Variants in ZSCAN12 observed in about 807,000 individuals in gnomAD.
The protein encoded by ZSCAN12 is zinc finger and SCAN domain-containing protein 12.
ZSCAN12 carries 18 observed loss-of-function variants against 23.4 expected under a neutral mutation model. The ratio of observed to expected loss-of-function variants is 0.77; its 90% CI spans 0.53 to 1.14. The LOEUF is 1.14. Among genes scored for constraint, ZSCAN12 ranks in the 50% most tolerant of loss-of-function variants. The pLI, the probability that ZSCAN12 is intolerant of heterozygous loss-of-function variation, is 0.00. For synonymous variants in ZSCAN12, 186 were observed against 253.4 expected (o/e 0.73, Z 2.53); for missense variants, 650 against 735.0 (o/e 0.88, Z 1.34).
chr6:28,391,009 T>A lies in ZSCAN12; in HGVS notation c.1281A>T (p.Ser427=). Reference sequence around the variant, plus strand: ...GGATTTCCTGATGGGAAACAAGGGATGAGTTATAAACAAAGGCTTTTCCAC... The same window carrying A: ...GGATTTCCTGATGGGAAACAAGGGAAGAGTTATAAACAAAGGCTTTTCCAC... ...NECGKAFVYN[S]SLVSHQEIHH... Residue 427 remains serine, a synonymous_variant, in exon 4 of 4, where the codon TCA becomes TCT. Transcript: ENST00000684592. The surrounding 1 kb of genome is among the most constrained non-coding windows in gnomAD (Gnocchi z 4.1). 6.4e-7 allele frequency: 1 copy of A among 1,556,700 alleles called. No individual in the cohort carries two copies. Among genetic ancestry groups the A allele is most frequent in the Non-Finnish European group, 8.7e-7 (1 of 1,149,584 alleles).
At position 28,391,304 on chromosome 6, in the gene ZSCAN12, G is replaced by A. The variant is rs1233724848; in HGVS notation, c.986C>T (p.Pro329Leu). 1.6e-5 allele frequency: 25 copies of A among 1,551,968 alleles called. No individual in the cohort carries two copies. The highest frequency in any genetic ancestry group is 4.1e-5 in the African/African-American group (3 of 73,110). Residue 329 changes from proline to leucine, a missense_variant, in exon 4 of 4, where the codon CCG becomes CTG. Physicochemically the swap from Pro to Leu is moderately conservative, Grantham distance 98. Transcript: ENST00000684592. This position sits in a 1 kb window ranked among gnomAD's most constrained non-coding sequence, Gnocchi z 4.1. ...TTTGCCACATTCATTACACTTATAC[G>A]GTTTCTCTCCAGTGTGTATTATTTT... ...RHKIIHTGEK[P>L]YKCNECGKAF... is the part of the protein sequence containing the mutation.
rs1348115660 is a variant in ZSCAN12, at chr6:28,387,569, G to A, written c.*2885C>T. On this transcript the variant is annotated 3_prime_UTR_variant, in exon 4 of 4. Coordinates refer to ENST00000684592, the MANE Select transcript of ZSCAN12 (RefSeq NM_001163391.2). ...AGTTTCTAACAGTGAAACAGCAAAAGAACTACCATAACTAACTCCATTTTT... is the reference window on the plus strand; with the variant it reads ...AGTTTCTAACAGTGAAACAGCAAAAAAACTACCATAACTAACTCCATTTTT... Among the ~76,000 whole-genome samples, 5 of 152,132 alleles carry A rather than the reference G, an allele frequency of 3.3e-5. No homozygotes were observed. Among genetic ancestry groups the A allele is most frequent in the Non-Finnish European group, 7.4e-5 (5 of 68,016 alleles).
chr6:28,382,174 G>A (rs1760279855), downstream of ZSCAN12: 1 of 214,884 alleles, frequency 4.7e-6, no homozygotes, highest in African/African-American at 2.3e-5. Context: ...TCCACATTCT[G>A]GATGATATTA....
rs891601328 is a variant in ZSCAN12 at position 28,398,402 on chromosome 6, C to G, written c.4G>C (p.Ala2Pro). The change falls in exon 2 of 4, where the codon GCA (alanine) becomes CCA (proline). Residue 2 changes from alanine (A) to proline (P), a missense_variant. Physicochemically the swap from Ala to Pro is conservative, Grantham distance 27. Coordinates refer to ENST00000684592, the MANE Select transcript of ZSCAN12 (RefSeq NM_001163391.2). ...TGGGCCTGGATAGCCCAAGTAGATG[C>G]CATTTTAGCTGTGCTAGAACTACCG... The part of the protein sequence containing the change: M[A>P]STWAIQAHMD... The G allele has an allele frequency of 9.1e-6, 14 of 1,542,854 alleles. No individual in the cohort carries two copies. The African/African-American group carries it at 1.6e-4, about 18-fold the overall frequency.
downstream of ZSCAN12, chr6:28,382,544 A>G (rs767540671): frequency 3.9e-6 from 6 of 1,551,938 alleles, no homozygotes; most frequent in South Asian, 4.8e-5. Flanking sequence ...GCTCAGGAGA[A>G]GATTCACTCC....
rs1372627105 is a variant in ZSCAN12, at chr6:28,387,085, A to G, written c.*3369T>C. Among the ~76,000 whole-genome samples, 1 of 152,186 alleles carries G rather than the reference A, an allele frequency of 6.6e-6. No individual in the cohort carries two copies. The highest frequency in any genetic ancestry group is 1.5e-5 in the Non-Finnish European group (1 of 68,036). ...CGTGATCCGCCCACCTCGGCCTCCCAAAGTGCTGGGATTATAAGTGTGAGC... is the reference window on the plus strand; with the variant it reads ...CGTGATCCGCCCACCTCGGCCTCCCGAAGTGCTGGGATTATAAGTGTGAGC... On this transcript the variant is annotated 3_prime_UTR_variant, in exon 4 of 4. Transcript: ENST00000684592.
At position 28,390,355 on chromosome 6, in the gene ZSCAN12, C is replaced by G; in HGVS notation, c.*99G>C. 1 of 961,780 alleles carries G rather than the reference C, an allele frequency of 1.0e-6. No homozygotes were observed. Among genetic ancestry groups the G allele is most frequent in the Non-Finnish European group, 1.5e-6 (1 of 668,258 alleles). The allele number at this position is 961,780 out of a possible 1,614,324, so 59.6% of individuals were successfully genotyped here. On this transcript the variant is annotated 3_prime_UTR_variant, in exon 4 of 4. Coordinates refer to ENST00000684592, the MANE Select transcript of ZSCAN12 (RefSeq NM_001163391.2). ...AATTCTTATTAAATATCTGAGGTTTCCTTATAACAATGGTGACTGAAGTTT... is the reference window on the plus strand; with the variant it reads ...AATTCTTATTAAATATCTGAGGTTTGCTTATAACAATGGTGACTGAAGTTT...
chr6:28,391,722 T>C lies in ZSCAN12; in HGVS notation c.568A>G (p.Asn190Asp). ...TCTTGCTTTAAATTCCCATACTCAT[T>C]TCCAGTCTCAACATCTAAAACTAAG... is the stretch of plus-strand genomic sequence containing the variant. ...QEQVLDVETG[N>D]EYGNLKQEVS... Residue 190 changes from asparagine to aspartate, a missense_variant, in exon 4 of 4, where the codon AAT becomes GAT. By Grantham distance (23) the Asn-to-Asp change is conservative. Transcript: ENST00000684592. The surrounding 1 kb of genome is among the most constrained non-coding windows in gnomAD (Gnocchi z 4.1). 6.5e-7 allele frequency: 1 copy of C among 1,535,252 alleles called. No individual in the cohort carries two copies. The highest frequency in any genetic ancestry group is 1.2e-5 in the South Asian group (1 of 81,978).
Position 28,392,906 on chromosome 6 carries a change from C to G in ZSCAN12, c.543G>C (p.Glu181Asp). Residue 181 changes from glutamate (E) to aspartate (D), a missense_variant, in exon 3 of 4, where the codon GAG (glutamate) becomes GAC (aspartate). Coordinates refer to ENST00000684592, the MANE Select transcript of ZSCAN12 (RefSeq NM_001163391.2). ...YESPELESQQ[E>D]QVLDVETGNE... ...AGATGGGTCTTTCTTCTTTACCTTG[C>G]TCCTGTTGGGATTCAAGTTCTGGAG... 5 of 1,552,164 alleles carry G rather than the reference C, an allele frequency of 3.2e-6. No homozygotes were observed. Among genetic ancestry groups the G allele is most frequent in the Non-Finnish European group, 4.4e-6 (5 of 1,147,100 alleles).
In ZSCAN12 at chr6:28,391,234, G is replaced by A; in HGVS notation, c.1056C>T (p.His352=). The change falls in exon 4 of 4, where the codon CAC becomes CAT. Residue 352 remains histidine (H), a synonymous_variant. Coordinates refer to ENST00000684592, the MANE Select transcript of ZSCAN12 (RefSeq NM_001163391.2). The surrounding 1 kb of genome is among the most constrained non-coding windows in gnomAD (Gnocchi z 4.1). The part of the protein sequence containing the change: ...WSALNQHQRL[H]TGEKHYHCND... ...TACAGTGATAGTGTTTTTCTCCTGT[G>A]TGAAGTCTCTGATGTTGGTTAAGAG... 2 of 1,551,908 alleles carry A rather than the reference G, an allele frequency of 1.3e-6. No individual in the cohort carries two copies. The highest frequency in any genetic ancestry group is 1.2e-5 in the South Asian group (1 of 84,060).
intron 1 of ZSCAN12, among the ~76,000 whole-genome samples, 173 bp downstream of exon 1, chr6:28,399,484 C>G (rs762206289): frequency 6.6e-6 from 1 of 152,238 alleles, no homozygotes. Context: ...GAGCCAAACC[C>G]TCATCCTAAT....
At position 28,398,364 on chromosome 6, in the gene ZSCAN12, A is replaced by T. The variant is rs1373072387; in HGVS notation, c.42T>A (p.Asp14Glu). Residue 14 changes from aspartate (D) to glutamate (E), a missense_variant, in exon 2 of 4, where the codon GAT (aspartate) becomes GAA (glutamate). Coordinates refer to ENST00000684592, the MANE Select transcript of ZSCAN12 (RefSeq NM_001163391.2). ...TWAIQAHMDQ[D>E]EPLEVKIEEE... ...CCTCTATCTTTACTTCCAAAGGTTC[A>T]TCCTGGTCCATGTGGGCCTGGATAG... is the stretch of plus-strand genomic sequence containing the variant. 1.3e-6 allele frequency: 2 copies of T among 1,551,674 alleles called. No homozygotes were observed. The highest frequency in any genetic ancestry group is 2.4e-5 in the South Asian group (2 of 84,040).
At chr6:28,384,536 T>C (rs1760448000), downstream of ZSCAN12, among the ~76,000 whole-genome samples, 1 of 152,188 alleles carries the variant, frequency 6.6e-6, no homozygotes, top group African/African-American at 2.4e-5. Flanking sequence ...TTAACGTGTA[T>C]GAAGAGAATC....
At chr6:28,394,001 T>G (rs1760990388) in intron 2 of ZSCAN12, among the ~76,000 whole-genome samples, 1 of 152,308 alleles carries the variant, frequency 6.6e-6, no homozygotes, top group South Asian at 2.1e-4. Context: ...CTTAGGATGA[T>G]GTCTTCTCTT....
chr6:28,397,885 C>T, intron 2 of ZSCAN12, 119 bp downstream of exon 2: 3 of 1,257,228 alleles, frequency 2.4e-6, no homozygotes, highest in Middle Eastern at 2.0e-4. Flanking sequence ...AACTCATGCC[C>T]CTTTCTGATG....
intron 1 of ZSCAN12, among the ~76,000 whole-genome samples, chr6:28,398,761 CAAAAAA>C (rs775480746): frequency 2.7e-5 from 2 of 72,784 alleles, no homozygotes; most frequent in African/African-American, 5.0e-5. Flanking sequence ...ACTAAAAATA[CAAAAAA>C]AAAAAAAAAA....
At chr6:28,392,764 A>C in intron 3 of ZSCAN12, 138 bp downstream of exon 3, 1 of 867,482 alleles carries the variant, frequency 1.2e-6, no homozygotes, top group Non-Finnish European at 1.7e-6. Flanking sequence ...GCTGTCTGAG[A>C]GTCTATATAT....
rs1256666104 is a variant in ZSCAN12, at chr6:28,392,900, A to G, written c.547+2T>C. The G allele has an allele frequency of 1.3e-6, 2 of 1,552,000 alleles. No homozygotes were observed. The highest frequency in any genetic ancestry group is 2.4e-5 in the South Asian group (2 of 84,028). ...CTCCCAAGATGGGTCTTTCTTCTTT[A>G]CCTTGCTCCTGTTGGGATTCAAGTT... is the stretch of plus-strand genomic sequence containing the variant. On this transcript the variant is annotated splice_donor_variant, in intron 3 of 3. Transcript: ENST00000684592. LOFTEE classifies it high-confidence loss of function.
Position 28,390,662 on chromosome 6 carries a change from T to A in ZSCAN12, c.1628A>T (p.His543Leu). Reference protein sequence around the residue: ...AFRGITSLIQHQRIHTGEKPY... With the variant: ...AFRGITSLIQLQRIHTGEKPY... ...CTTCTCCCCAGTGTGGATTCTCTGATGCTGAATGAGGCTGGTGATTCCTCG... is the reference window on the plus strand; with the variant it reads ...CTTCTCCCCAGTGTGGATTCTCTGAAGCTGAATGAGGCTGGTGATTCCTCG... Residue 543 changes from histidine to leucine, a missense_variant, in exon 4 of 4, where the codon CAT becomes CTT. By Grantham distance (99) the His-to-Leu change is moderately conservative. Transcript: ENST00000684592. The A allele has an allele frequency of 6.2e-7, 1 of 1,613,638 alleles. No individual in the cohort carries two copies. The highest frequency in any genetic ancestry group is 1.6e-4 in the Middle Eastern group (1 of 6,062).
Sources: gnomAD v4.1 joint callset for allele counts (sites outside exome capture counted in the v4.1 genomes callset) on GRCh38, gnomAD v4.1.1 for gene constraint, Gnocchi (gnomAD v3.1) non-coding constraint, MANE v1.5 for transcripts, NCBI Gene and HGNC (gene_info 2026-07-23, HGNC 2026-07-21) for gene names.